ULK4: variants seen among roughly 807,000 people sequenced by gnomAD.
The protein encoded by ULK4 is inactive serine/threonine-protein kinase ULK4.
A neutral mutation model predicts 160.6 loss-of-function variants in ULK4; 133 were observed. The ratio of observed to expected loss-of-function variants is 0.83; its 90% CI spans 0.72 to 0.96. ULK4 has a LOEUF of 0.96. Ranked by LOEUF, ULK4 falls within the 40% of genes least tolerant of loss-of-function variation. The pLI is 0.00. For missense variants in ULK4, 1,580 were observed against 1,499.5 expected (o/e 1.05, Z -0.89); for synonymous variants, 534 against 539.8 (o/e 0.99, Z 0.15).
At chr3:41,926,497 GT>G (rs1699390010) in intron 5 of ULK4, among the ~76,000 whole-genome samples, 1 of 152,284 alleles carries the variant, frequency 6.6e-6, no homozygotes, top group South Asian at 2.1e-4. Context: ...TGGAGAACGA[GT>G]TTGCCAAATT....
rs2037233673 is a variant in ULK4 at position 41,715,438 on chromosome 3, C to T, written c.2577+9G>A. The T allele has an allele frequency of 1.2e-6, 2 of 1,614,078 alleles. No homozygotes were observed. The highest frequency in any genetic ancestry group is 1.7e-6 in the Non-Finnish European group (2 of 1,179,998). ...ATTTATATCCTTTTCCTCCTCAATACAATAGTACCTGTGAAGTTACGAGGT... is the reference window on the plus strand; with the variant it reads ...ATTTATATCCTTTTCCTCCTCAATATAATAGTACCTGTGAAGTTACGAGGT... On this transcript the variant is annotated intron_variant, in intron 24 of 36. Transcript: ENST00000301831.
chr3:41,416,215 T>TGGGGTAGG (rs1165881186), intron 34 of ULK4, among the ~76,000 whole-genome samples: 2 of 151,590 alleles, frequency 1.3e-5, no homozygotes, highest in Admixed American at 1.3e-4. Flanking sequence ...GACAAATTTG[T>TGGGGTAGG]CCCCACAGAC....
At chr3:41,447,831 G>T (rs2083336348) in intron 34 of ULK4, among the ~76,000 whole-genome samples, 1 of 152,080 alleles carries the variant, frequency 6.6e-6, no homozygotes, top group Non-Finnish European at 1.5e-5. Flanking sequence ...AACACAGGCT[G>T]CCCAATGAAT....
At chr3:41,541,637 A>G (rs370214199) in intron 32 of ULK4, among the ~76,000 whole-genome samples, 3 of 152,176 alleles carry the variant, frequency 2.0e-5, no homozygotes, top group South Asian at 2.1e-4. Flanking sequence ...CATTTTCATG[A>G]TATTGATTCT....
chr3:41,763,025 C>T (rs986723704), intron 21 of ULK4, among the ~76,000 whole-genome samples: 7 of 152,074 alleles, frequency 4.6e-5, no homozygotes, highest in African/African-American at 1.7e-4. Flanking sequence ...ACAAGAACAG[C>T]ATGGGGGAAG....
chr3:41,713,316 C>G (rs1453253098), intron 25 of ULK4, among the ~76,000 whole-genome samples: 2 of 152,096 alleles, frequency 1.3e-5, no homozygotes, highest in Non-Finnish European at 2.9e-5. Flanking sequence ...TTCATAGAAG[C>G]AACATTCAAC....
chr3:41,305,930 G>A (rs1369550918), intron 35 of ULK4, among the ~76,000 whole-genome samples: 1 of 150,212 alleles, frequency 6.7e-6, no homozygotes, highest in Non-Finnish European at 1.5e-5. Context: ...TGGGAGGTGA[G>A]GAGCATCTCT....
intron 32 of ULK4, among the ~76,000 whole-genome samples, chr3:41,504,073 A>T (rs1256399): frequency 6.6e-6 from 1 of 152,050 alleles, no homozygotes; most frequent in African/African-American, 2.4e-5. Flanking sequence ...CATTTGATTC[A>T]AATTAAGACT....
chr3:41,309,525 A>C (rs1233093319), intron 35 of ULK4, among the ~76,000 whole-genome samples: 1 of 152,146 alleles, frequency 6.6e-6, no homozygotes, highest in Non-Finnish European at 1.5e-5. Flanking sequence ...AATTAGAGAA[A>C]AAAGACTGAT....
intron 21 of ULK4, among the ~76,000 whole-genome samples, chr3:41,755,898 TAATTAG>T (rs2038783354): frequency 6.6e-6 from 1 of 152,144 alleles, no homozygotes; most frequent in Non-Finnish European, 1.5e-5. Flanking sequence ...TTCAATGAAA[TAATTAG>T]AATTAGAAGA....
chr3:41,896,332 G>GC (rs1373222817), intron 15 of ULK4, among the ~76,000 whole-genome samples: 2 of 152,060 alleles, frequency 1.3e-5, no homozygotes, highest in Non-Finnish European at 2.9e-5. Context: ...TCAGCTCACT[G>GC]CAACCTCTGC....
Position 41,420,475 on chromosome 3 carries a change from C to CTTTTTTTTTTTTTT in ULK4, c.3493-22225_3493-22212dup, listed in dbSNP as rs1165381982. Among the ~76,000 whole-genome samples the CTTTTTTTTTTTTTT allele has an allele frequency of 3.4e-3, 141 of 41,178 alleles. 20 individuals are homozygous for CTTTTTTTTTTTTTT. Among genetic ancestry groups the CTTTTTTTTTTTTTT allele is most frequent in the East Asian group, 3.9e-3 (5 of 1,266 alleles). 27.0% of individuals were successfully genotyped at this position (41,178 alleles called of 152,430 possible). A position where few individuals can be genotyped will look rare whatever the true frequency, so the allele number is the denominator to read the frequency against. ...GGATTTTTCAGTTTTCCAGTTCTTT[C>CTTTTTTTTTTTTTT]TTTTTTTTTTTTTTTTTTTTTTTTT... On this transcript the variant is annotated intron_variant, in intron 34 of 36. Coordinates refer to ENST00000301831, the MANE Select transcript of ULK4 (RefSeq NM_017886.4).
intron 35 of ULK4, among the ~76,000 whole-genome samples, chr3:41,336,642 C>T (rs538523786): frequency 4.6e-5 from 7 of 152,336 alleles, no homozygotes; most frequent in South Asian, 2.1e-4. Context: ...TCATGACCAC[C>T]TCCTTTACAA....
At chr3:41,594,320 T>A (rs1575462694) in intron 31 of ULK4, among the ~76,000 whole-genome samples, 2 of 152,232 alleles carry the variant, frequency 1.3e-5, no homozygotes, top group East Asian at 3.9e-4. Context: ...GACGATTACT[T>A]GAGGCCAGGA....
intron 35 of ULK4, among the ~76,000 whole-genome samples, chr3:41,289,752 A>G (rs2079522998): frequency 6.6e-6 from 1 of 152,206 alleles, no homozygotes; most frequent in African/African-American, 2.4e-5. Flanking sequence ...GAAGGGAGCA[A>G]GTCAGTCTAA....
chr3:41,268,817 A>C (rs865984813), intron 35 of ULK4, among the ~76,000 whole-genome samples: 82 of 145,750 alleles, frequency 5.6e-4, no homozygotes, highest in Middle Eastern at 3.4e-3. Context: ...CACACACAAA[A>C]AAAAAAAAAA....
chr3:41,871,272 T>C (rs1003581857), intron 17 of ULK4, among the ~76,000 whole-genome samples: 6 of 152,196 alleles, frequency 3.9e-5, no homozygotes, highest in Non-Finnish European at 7.3e-5. Flanking sequence ...AACCAAGTTG[T>C]TGGGTATCAA....
Position 41,356,196 on chromosome 3 carries a change from T to G in ULK4, c.3678+41883A>C, listed in dbSNP as rs77655392. On this transcript the variant is annotated intron_variant, in intron 35 of 36. Transcript: ENST00000301831. ...CTGCTCTTTGGCTCTTCTGTGACTT[T>G]ACATGCTTCTATAAAGGACAGAGGA... 7.7e-4 allele frequency among the ~76,000 whole-genome samples: 118 copies of G among 152,290 alleles called. 2 individuals are homozygous for G. In the East Asian group the frequency reaches 0.022, roughly 28 times the overall value.
chr3:41,305,430 C>T (rs2079889303), intron 35 of ULK4, among the ~76,000 whole-genome samples: 1 of 152,264 alleles, frequency 6.6e-6, no homozygotes, highest in Non-Finnish European at 1.5e-5. Flanking sequence ...CTGTGTTGGC[C>T]AGGCCGGTCT....
Sources: allele counts gnomAD v4.1 joint callset (sites outside exome capture counted in the v4.1 genomes callset), GRCh38; gene constraint gnomAD v4.1.1; transcripts MANE v1.5; gene names NCBI Gene and HGNC (gene_info 2026-07-23, HGNC 2026-07-21).